The following AMDHD2 variants were observed in gnomAD, a reference collection of about 807,000 sequenced individuals.
AMDHD2 encodes the protein N-acetylglucosamine-6-phosphate deacetylase.
AMDHD2 carries 24 observed loss-of-function variants against 41.8 expected under a neutral mutation model. The observed-to-expected ratio is 0.57, with a 90% confidence interval of 0.42 to 0.81. The LOEUF is 0.81. Ranked by LOEUF, AMDHD2 falls within the 30% of genes least tolerant of loss-of-function variation. AMDHD2 has a pLI of 0.00. For missense variants in AMDHD2, 540 were observed against 588.5 expected (o/e 0.92, Z 0.85); for synonymous variants, 332 against 255.5 (o/e 1.30, Z -2.85).
chr16:2,530,451 C>T lies in AMDHD2; in HGVS notation c.*888C>T. On this transcript the variant is annotated 3_prime_UTR_variant, in exon 11 of 11. Coordinates refer to ENST00000293971, the MANE Select transcript of AMDHD2 (RefSeq NM_001330449.2). ...TCGAGGCGGGTGGGCTTCTGGAGCC[C>T]TCTTGGCTCTGAGGACAGCCACAGT... is the stretch of plus-strand genomic sequence containing the variant. The T allele has an allele frequency of 6.2e-7, 1 of 1,614,120 alleles. No individual in the cohort carries two copies. The highest frequency in any genetic ancestry group is 8.5e-7 in the Non-Finnish European group (1 of 1,180,010).
In AMDHD2 at chr16:2,530,483, A is replaced by C; in HGVS notation, c.*920A>C. 6 of 1,614,158 alleles carry C rather than the reference A, an allele frequency of 3.7e-6. No homozygotes were observed. The highest frequency in any genetic ancestry group is 5.1e-6 in the Non-Finnish European group (6 of 1,180,002). On this transcript the variant is annotated 3_prime_UTR_variant, in exon 11 of 11. Coordinates refer to ENST00000293971, the MANE Select transcript of AMDHD2 (RefSeq NM_001330449.2). ...CTCTGAGGACAGCCACAGTGGGGTCAGACGTCAGGGATTGGTGCAGCCCCA... is the reference window on the plus strand; with the variant it reads ...CTCTGAGGACAGCCACAGTGGGGTCCGACGTCAGGGATTGGTGCAGCCCCA...
chr16:2,522,080 G>A (rs1490373224), intron 3 of AMDHD2, among the ~76,000 whole-genome samples: 3 of 151,866 alleles, frequency 2.0e-5, no homozygotes, highest in Non-Finnish European at 4.4e-5. Flanking sequence ...CACCGCGCCC[G>A]GCCAGTTTTT....
intron 3 of AMDHD2, among the ~76,000 whole-genome samples, chr16:2,523,973 C>T (rs553859320): frequency 7.9e-5 from 12 of 152,348 alleles, no homozygotes; most frequent in Middle Eastern, 3.4e-3. Flanking sequence ...GGCTCTTCTT[C>T]CTTAGGAAGA....
chr16:2,522,165 C>T (rs1281279270), intron 3 of AMDHD2, among the ~76,000 whole-genome samples: 1 of 152,118 alleles, frequency 6.6e-6, no homozygotes, highest in Non-Finnish European at 1.5e-5. Context: ...CCCATTGCAG[C>T]CTCATTCTTC....
At chr16:2,520,940 G>A (rs1348482978) in intron 2 of AMDHD2, 35 bp downstream of exon 2, 1 of 1,596,238 alleles carries the variant, frequency 6.3e-7, no homozygotes, top group Non-Finnish European at 8.6e-7. Flanking sequence ...ACCCAGGGGA[G>A]GAGCTCTGAG....
In AMDHD2 at chr16:2,530,762, GAGGGCCTGGGGC is replaced by G. The variant is rs776279453; in HGVS notation, c.*1205_*1216del. On this transcript the variant is annotated 3_prime_UTR_variant, in exon 11 of 11. Coordinates refer to ENST00000293971, the MANE Select transcript of AMDHD2 (RefSeq NM_001330449.2). Reference sequence around the variant, plus strand: ...TGCCTGGGCAGGGCCTCGCCTGAGGGAGGGCCTGGGGCAGGGCACAAGGGGTTGATCTCAGCC... The same window carrying G: ...TGCCTGGGCAGGGCCTCGCCTGAGGGAGGGCACAAGGGGTTGATCTCAGCC... The G allele has an allele frequency of 1.2e-6, 2 of 1,613,584 alleles. No individual in the cohort carries two copies. Among genetic ancestry groups the G allele is most frequent in the East Asian group, 2.2e-5 (1 of 44,878 alleles).
At chr16:2,525,762 T>C (rs1175323967) in intron 3 of AMDHD2, among the ~76,000 whole-genome samples, 3 of 152,210 alleles carry the variant, frequency 2.0e-5, no homozygotes, top group African/African-American at 7.2e-5. Flanking sequence ...GCCAGGATGG[T>C]CTCGATCTCC....
At position 2,529,843 on chromosome 16, in the gene AMDHD2, T is replaced by C; in HGVS notation, c.*280T>C. 7.2e-7 allele frequency: 1 copy of C among 1,389,488 alleles called. No homozygotes were observed. The highest frequency in any genetic ancestry group is 9.4e-7 in the Non-Finnish European group (1 of 1,062,818). The allele number at this position is 1,389,488 out of a possible 1,614,324, so 86.1% of individuals were successfully genotyped here. Reference sequence around the variant, plus strand: ...GGGATGGCTGGGCTGTAGTTTAGCCTGGGCCTTGGGCCCCAGTGGGGGACA... The same window carrying C: ...GGGATGGCTGGGCTGTAGTTTAGCCCGGGCCTTGGGCCCCAGTGGGGGACA... On this transcript the variant is annotated 3_prime_UTR_variant, in exon 11 of 11. Coordinates refer to ENST00000293971, the MANE Select transcript of AMDHD2 (RefSeq NM_001330449.2).
chr16:2,529,472 C>G lies in AMDHD2; in HGVS notation c.1142-3C>G. On this transcript the variant is annotated splice_polypyrimidine_tract_variant and splice_region_variant and intron_variant, in intron 10 of 10. Coordinates refer to ENST00000293971, the MANE Select transcript of AMDHD2 (RefSeq NM_001330449.2). ...CCCTACTCATTGCCCGGCTCTGTCC[C>G]AGACTTCGTGGTGCTCGACGACTCC... 1 of 1,610,040 alleles carries G rather than the reference C, an allele frequency of 6.2e-7. No individual in the cohort carries two copies.
intron 3 of AMDHD2, among the ~76,000 whole-genome samples, chr16:2,523,326 T>C (rs1460149162): frequency 6.6e-6 from 1 of 152,180 alleles, no homozygotes; most frequent in Admixed American, 6.5e-5. Flanking sequence ...TTGCGTTATA[T>C]GCCCAAGGGG....
rs2066070459 is a variant in AMDHD2 at position 2,530,304 on chromosome 16, G to C, written c.*741G>C. On this transcript the variant is annotated 3_prime_UTR_variant, in exon 11 of 11. Transcript: ENST00000293971. ...TGACCCTGCCTGGTGCTGGAGGGCA[G>C]TATGGGAGGCACCAGTGTGCCCTGC... 1.9e-6 allele frequency: 3 copies of C among 1,613,914 alleles called. No individual in the cohort carries two copies. Among genetic ancestry groups the C allele is most frequent in the African/African-American group, 2.7e-5 (2 of 74,932 alleles).
Position 2,531,321 on chromosome 16 carries a change from C to A in AMDHD2, c.*1758C>A. 3.7e-6 allele frequency: 2 copies of A among 542,476 alleles called. 1 individual carries two copies. The highest frequency in any genetic ancestry group is 6.3e-5 in the South Asian group (2 of 31,554). 33.6% of individuals were successfully genotyped at this position (542,476 alleles called of 1,614,324 possible). On this transcript the variant is annotated 3_prime_UTR_variant, in exon 11 of 11. Coordinates refer to ENST00000293971, the MANE Select transcript of AMDHD2 (RefSeq NM_001330449.2). ...AGAGAGCTGGGCCAGGGAGCTGCTG[C>A]AGGATGATTTTGAGGTGTGGGGGAA...
rs748149014 is a variant in AMDHD2 at position 2,528,624 on chromosome 16, C to A, written c.971-26C>A. 21 of 1,612,898 alleles carry A rather than the reference C, an allele frequency of 1.3e-5. No individual in the cohort carries two copies. In the East Asian group the frequency reaches 3.6e-4, roughly 27 times the overall value. ...CATGCCAGGTGGCCCACGACCCCCC[C>A]AGAGCCTGCCCTCTCTGCTCTCAAG... is the stretch of plus-strand genomic sequence containing the variant. On this transcript the variant is annotated intron_variant, in intron 8 of 10. Coordinates refer to ENST00000293971, the MANE Select transcript of AMDHD2 (RefSeq NM_001330449.2).
chr16:2,520,608 G>A (rs1476365606), intron 1 of AMDHD2, 67 bp downstream of exon 1: 6 of 1,105,574 alleles, frequency 5.4e-6, no homozygotes, highest in Non-Finnish European at 6.7e-6. Flanking sequence ...GCCGGGGACC[G>A]GGCGGGGTGC....
At chr16:2,521,939 C>T (rs1401385796) in intron 3 of AMDHD2, among the ~76,000 whole-genome samples, 2 of 152,190 alleles carry the variant, frequency 1.3e-5, no homozygotes, top group South Asian at 2.1e-4. Context: ...TGCCCGCCAC[C>T]TCGCCCGGCT....
At chr16:2,528,766 GTC>G (rs2066043857) in intron 9 of AMDHD2, 48 bp downstream of exon 9, 4 of 1,602,318 alleles carry the variant, frequency 2.5e-6, no homozygotes, top group Non-Finnish European at 3.4e-6. Flanking sequence ...TGAGTGGTGG[GTC>G]CCCAAGGGGC....
intron 9 of AMDHD2, 37 bp downstream of exon 9, chr16:2,528,755 G>A (rs1192632876): frequency 6.3e-7 from 1 of 1,579,072 alleles, no homozygotes; most frequent in Non-Finnish European, 8.7e-7. Flanking sequence ...TAGGTGGTCT[G>A]TGAGTGGTGG....
At position 2,530,229 on chromosome 16, in the gene AMDHD2, A is replaced by G; in HGVS notation, c.*666A>G. Reference sequence around the variant, plus strand: ...ACCAGCGTTCTGTTTTCTCTTCTCAATAACCCTATCTCTTCACACATCCCC... The same window carrying G: ...ACCAGCGTTCTGTTTTCTCTTCTCAGTAACCCTATCTCTTCACACATCCCC... On this transcript the variant is annotated 3_prime_UTR_variant, in exon 11 of 11. Coordinates refer to ENST00000293971, the MANE Select transcript of AMDHD2 (RefSeq NM_001330449.2). The G allele has an allele frequency of 6.3e-7, 1 of 1,576,066 alleles. No homozygotes were observed. Among genetic ancestry groups the G allele is most frequent in the Non-Finnish European group, 8.6e-7 (1 of 1,161,130 alleles).
chr16:2,530,720 G>A lies in AMDHD2; in HGVS notation c.*1157G>A. The A allele has an allele frequency of 6.2e-7, 1 of 1,614,004 alleles. No individual in the cohort carries two copies. Among genetic ancestry groups the A allele is most frequent in the Non-Finnish European group, 8.5e-7 (1 of 1,180,020 alleles). On this transcript the variant is annotated 3_prime_UTR_variant, in exon 11 of 11. Transcript: ENST00000293971. ...GGGCCCCACCTGTTGGAAGGGAACAGCCAGGGAAGAACCACCTGCCTGGGC... is the reference window on the plus strand; with the variant it reads ...GGGCCCCACCTGTTGGAAGGGAACAACCAGGGAAGAACCACCTGCCTGGGC...
Sources: gnomAD v4.1 joint callset for allele counts (sites outside exome capture counted in the v4.1 genomes callset) on GRCh38, gnomAD v4.1.1 for gene constraint, MANE v1.5 for transcripts, NCBI Gene and HGNC (gene_info 2026-07-23, HGNC 2026-07-21) for gene names.